The following STX11 variants were observed in gnomAD, a reference collection of about 807,000 sequenced individuals.
STX11 encodes syntaxin 11, also known as syntaxin-11.
A neutral mutation model predicts 19.9 loss-of-function variants in STX11; 21 were observed. The ratio of observed to expected loss-of-function variants is 1.06; its 90% CI spans 0.75 to 1.52. The LOEUF (loss-of-function observed/expected upper bound fraction) is 1.52. Ranked by LOEUF, STX11 falls within the 40% of genes most tolerant of loss-of-function variation. The probability of loss-of-function intolerance (pLI) is 0.00; values close to 1 mark genes in which losing one functional copy is unlikely to be tolerated. For missense variants in STX11, 438 were observed against 405.9 expected, an observed-to-expected ratio of 1.08 and a Z score of -0.68; for synonymous variants, 193 against 174.4, an observed-to-expected ratio of 1.11 and a Z score of -0.84.
rs1188334631 is a variant in STX11, at chr6:144,175,314, C to T, written c.-5-11309C>T. Among the ~76,000 whole-genome samples, 3 of 152,312 alleles carry T rather than the reference C, an allele frequency of 2.0e-5. No individual in the cohort carries two copies. Among genetic ancestry groups the T allele is most frequent in the South Asian group, 2.1e-4 (1 of 4,828 alleles). ...TGTTGAAGTCTCAATATATGCTACT[C>T]TCATGAAAATGCTTTATACATGTTA... On this transcript the variant is annotated intron_variant, in intron 1 of 1. Transcript: ENST00000367568. This position sits in a 1 kb window ranked among gnomAD's most constrained non-coding sequence, Gnocchi z 5.1.
At chr6:144,143,167 T>C in the STX11 span, among the ~76,000 whole-genome samples, 2 of 152,218 alleles carry the variant, frequency 1.3e-5, no homozygotes, top group East Asian at 1.9e-4. Context: ...CTAGTCTGCG[T>C]GTACTGGAGA....
chr6:144,147,071 C>T (rs1800887859), upstream of STX11, among the ~76,000 whole-genome samples: 1 of 152,082 alleles, frequency 6.6e-6, no homozygotes, highest in African/African-American at 2.4e-5. This position sits in a 1 kb window ranked among gnomAD's most constrained non-coding sequence, Gnocchi z 4.2. Flanking sequence ...AACATTGCTC[C>T]AGCATGTAAC....
rs1801303711 is a variant in STX11, at chr6:144,160,354, A to G, written c.-6+9651A>G. Among the ~76,000 whole-genome samples the G allele has an allele frequency of 6.6e-6, 1 of 152,156 alleles. No homozygotes were observed. Among genetic ancestry groups the G allele is most frequent in the Admixed American group, 6.5e-5 (1 of 15,272 alleles). On this transcript the variant is annotated intron_variant, in intron 1 of 1. Transcript: ENST00000367568. This position sits in a 1 kb window ranked among gnomAD's most constrained non-coding sequence, Gnocchi z 4.3. ...TCCTTATTTCTCCCCATAAATTGTA[A>G]GCTTAGGGTAAGGTTTGAGACTTCC...
At position 144,159,253 on chromosome 6, in the gene STX11, T is replaced by C. The variant is rs998639987; in HGVS notation, c.-6+8550T>C. On this transcript the variant is annotated intron_variant, in intron 1 of 1. Coordinates refer to ENST00000367568, the MANE Select transcript of STX11 (RefSeq NM_003764.4). This position sits in a 1 kb window ranked among gnomAD's most constrained non-coding sequence, Gnocchi z 4.3. ...ACACAACAGGTACAGCTCCTGACCC[T>C]ATGAAGCTTATGGGCAAGCAGAGAA... 2.0e-5 allele frequency among the ~76,000 whole-genome samples: 3 copies of C among 152,192 alleles called. No homozygotes were observed. Among genetic ancestry groups the C allele is most frequent in the Non-Finnish European group, 2.9e-5 (2 of 68,034 alleles).
rs1053478896 is a variant in STX11, at chr6:144,177,285, A to G, written c.-5-9338A>G. ...AACATAGATCTTTGCTGTATTTTCC[A>G]GGCAAAGTTTTGCTTCACATTCTAG... On this transcript the variant is annotated intron_variant, in intron 1 of 1. Transcript: ENST00000367568. This position sits in a 1 kb window ranked among gnomAD's most constrained non-coding sequence, Gnocchi z 4.4. Among the ~76,000 whole-genome samples the G allele has an allele frequency of 1.8e-4, 27 of 152,238 alleles. No individual in the cohort carries two copies. The highest frequency in any genetic ancestry group is 5.5e-4 in the African/African-American group (23 of 41,462).
Position 144,154,209 on chromosome 6 carries a change from C to A in STX11, c.-6+3506C>A, listed in dbSNP as rs1801076717. 6.6e-6 allele frequency among the ~76,000 whole-genome samples: 1 copy of A among 152,192 alleles called. No individual in the cohort carries two copies. The highest frequency in any genetic ancestry group is 2.4e-5 in the African/African-American group (1 of 41,442). On this transcript the variant is annotated intron_variant, in intron 1 of 1. Coordinates refer to ENST00000367568, the MANE Select transcript of STX11 (RefSeq NM_003764.4). This position sits in a 1 kb window ranked among gnomAD's most constrained non-coding sequence, Gnocchi z 4.7. ...TGATGTGCTGTCTTGATGAATGAATCAATGAGGTTTTGGACTTTGTGGTAA... is the reference window on the plus strand; with the variant it reads ...TGATGTGCTGTCTTGATGAATGAATAAATGAGGTTTTGGACTTTGTGGTAA...
chr6:144,169,893 G>T lies in STX11; in HGVS notation c.-5-16730G>T, dbSNP rs979159270. Among the ~76,000 whole-genome samples, 1 of 152,142 alleles carries T rather than the reference G, an allele frequency of 6.6e-6. No individual in the cohort carries two copies. The highest frequency in any genetic ancestry group is 1.5e-5 in the Non-Finnish European group (1 of 68,024). On this transcript the variant is annotated intron_variant, in intron 1 of 1. Coordinates refer to ENST00000367568, the MANE Select transcript of STX11 (RefSeq NM_003764.4). The surrounding 1 kb of genome is among the most constrained non-coding windows in gnomAD (Gnocchi z 5.2). ...GAGCCATAGTCTCACTATGTTGCTA[G>T]TATTGAACTCCTGGGCTCAAGTGAT...
chr6:144,187,586 C>A lies in STX11; in HGVS notation c.*95C>A. On this transcript the variant is annotated 3_prime_UTR_variant, in exon 2 of 2. Coordinates refer to ENST00000367568, the MANE Select transcript of STX11 (RefSeq NM_003764.4). This position sits in a 1 kb window ranked among gnomAD's most constrained non-coding sequence, Gnocchi z 5.6. ...GGAGCTCTGCCCTGCAGGGAGTTGC[C>A]CCAACCCTTTCCGGAACTCAGTCTT... 6.5e-7 allele frequency: 1 copy of A among 1,533,932 alleles called. No individual in the cohort carries two copies. Among genetic ancestry groups the A allele is most frequent in the Non-Finnish European group, 8.9e-7 (1 of 1,125,286 alleles).
chr6:144,169,230 T>A lies in STX11; in HGVS notation c.-5-17393T>A, dbSNP rs148428852. Among the ~76,000 whole-genome samples the A allele has an allele frequency of 1.3e-5, 2 of 152,348 alleles. No homozygotes were observed. Among genetic ancestry groups the A allele is most frequent in the African/African-American group, 4.8e-5 (2 of 41,584 alleles). The stretch of plus-strand genomic sequence containing the variant: ...TGGCATCCTTAATTCCTGTAGAGGC[T>A]GTCTCAGCTCTAGTCAGTGTCTTTC... On this transcript the variant is annotated intron_variant, in intron 1 of 1. Transcript: ENST00000367568. The surrounding 1 kb of genome is among the most constrained non-coding windows in gnomAD (Gnocchi z 5.2).
the STX11 span, among the ~76,000 whole-genome samples, chr6:144,145,267 A>G: frequency 3.9e-5 from 6 of 152,252 alleles, no homozygotes; most frequent in Non-Finnish European, 7.3e-5. Flanking sequence ...GATAAACACT[A>G]AAGTCATAAT....
chr6:144,187,835 A>C lies in STX11; in HGVS notation c.*344A>C. ...GTCTGAGGCCTGCCTCCTAATAAAG[A>C]CTCAAGGAGGAAGTCAATTGGGCAT... On this transcript the variant is annotated 3_prime_UTR_variant, in exon 2 of 2. Transcript: ENST00000367568. This position sits in a 1 kb window ranked among gnomAD's most constrained non-coding sequence, Gnocchi z 5.6. The C allele has an allele frequency of 2.4e-6, 1 of 410,634 alleles. No individual in the cohort carries two copies. Among genetic ancestry groups the C allele is most frequent in the Non-Finnish European group, 4.6e-6 (1 of 216,828 alleles). The allele number at this position is 410,634 out of a possible 1,614,324, so 25.4% of individuals were successfully genotyped here.
chr6:144,141,653 TTTG>T, the STX11 span, among the ~76,000 whole-genome samples: 9,154 of 150,410 alleles, frequency 0.061, 400 homozygotes, highest in East Asian at 0.12. Context: ...TATTTTCAGT[TTTG>T]TTGTTGTTGT....
At chr6:144,140,252 A>ATATATATATT in the STX11 span, among the ~76,000 whole-genome samples, 3 of 51,976 alleles carry the variant, frequency 5.8e-5, no homozygotes, top group Non-Finnish European at 6.5e-5. Flanking sequence ...ATATATATAT[A>ATATATATATT]TATTTATTTA....
upstream of STX11, among the ~76,000 whole-genome samples, chr6:144,149,691 G>T (rs1029954262): frequency 6.6e-6 from 1 of 152,152 alleles, no homozygotes; most frequent in Non-Finnish European, 1.5e-5. This position sits in a 1 kb window ranked among gnomAD's most constrained non-coding sequence, Gnocchi z 5.1. Flanking sequence ...GCTCAGGCTG[G>T]TCTCAAACTC....
chr6:144,154,360 C>T lies in STX11; in HGVS notation c.-6+3657C>T, dbSNP rs1468747442. Among the ~76,000 whole-genome samples, 1 of 152,190 alleles carries T rather than the reference C, an allele frequency of 6.6e-6. No individual in the cohort carries two copies. Among genetic ancestry groups the T allele is most frequent in the Admixed American group, 6.5e-5 (1 of 15,286 alleles). ...GACATCCCACCCCCTACCTTCACTC[C>T]AAGAAATACCTGATTCATCTAGGAA... On this transcript the variant is annotated intron_variant, in intron 1 of 1. Transcript: ENST00000367568. This position sits in a 1 kb window ranked among gnomAD's most constrained non-coding sequence, Gnocchi z 4.7.
In STX11 at chr6:144,155,223, C is replaced by T. The variant is rs900261794; in HGVS notation, c.-6+4520C>T. Among the ~76,000 whole-genome samples the T allele has an allele frequency of 3.5e-4, 53 of 152,268 alleles. No homozygotes were observed. Among genetic ancestry groups the T allele is most frequent in the African/African-American group, 1.1e-3 (44 of 41,544 alleles). ...ACTTTGGACCATGTAAGGTTTAAAACGCCCAATTAATGTTGTACCCAAACT... is the reference window on the plus strand; with the variant it reads ...ACTTTGGACCATGTAAGGTTTAAAATGCCCAATTAATGTTGTACCCAAACT... On this transcript the variant is annotated intron_variant, in intron 1 of 1. Transcript: ENST00000367568. The surrounding 1 kb of genome is among the most constrained non-coding windows in gnomAD (Gnocchi z 4.5).
chr6:144,141,939 C>T, the STX11 span, among the ~76,000 whole-genome samples: 1 of 151,964 alleles, frequency 6.6e-6, no homozygotes, highest in Non-Finnish European at 1.5e-5. Flanking sequence ...ACCTCTGCCT[C>T]CTAAAGTGCT....
Position 144,163,462 on chromosome 6 carries a change from AT to A in STX11, c.-6+12764del, listed in dbSNP as rs996632744. Among the ~76,000 whole-genome samples the A allele has an allele frequency of 1.7e-4, 26 of 152,030 alleles. 1 individual carries two copies. In the South Asian group the frequency reaches 2.5e-3, roughly 15 times the overall value. Reference sequence around the variant, plus strand: ...AGACACCATCTCTACAAAATTTTTTATTTTTAAAATTTTTTTTTTAATTTTT... The same window carrying A: ...AGACACCATCTCTACAAAATTTTTTATTTTAAAATTTTTTTTTTAATTTTT... On this transcript the variant is annotated intron_variant, in intron 1 of 1. Transcript: ENST00000367568.
intron 1 of STX11, among the ~76,000 whole-genome samples, chr6:144,157,982 A>G (rs1174232889): frequency 6.6e-6 from 1 of 151,056 alleles, no homozygotes. Flanking sequence ...AAAAAAAAAC[A>G]GGGGAAAAAC....
Sources: gnomAD v4.1 joint callset for allele counts (sites outside exome capture counted in the v4.1 genomes callset) on GRCh38, gnomAD v4.1.1 for gene constraint, Gnocchi (gnomAD v3.1) non-coding constraint, MANE v1.5 for transcripts, NCBI Gene and HGNC (gene_info 2026-07-23, HGNC 2026-07-21) for gene names.